SON: variants seen among roughly 807,000 people sequenced by gnomAD.
The protein encoded by SON is SON DNA and RNA binding protein.
Under a neutral mutation model 173.3 loss-of-function variants are expected in SON, and 4 were observed. The ratio of observed to expected loss-of-function variants is 0.02; its 90% CI spans 0.01 to 0.05. The LOEUF is 0.05. Among genes scored for constraint, SON ranks in the 10% least tolerant of loss-of-function variants. The pLI, the probability that SON is intolerant of heterozygous loss-of-function variation, is 1.00. For synonymous variants in SON, 1,190 were observed against 1,105.9 expected, an observed-to-expected ratio of 1.08 and a Z score of -1.51; for missense variants, 2,626 against 3,055.3, an observed-to-expected ratio of 0.86 and a Z score of 3.31.
chr21:33,549,197 C>T (rs533796194), intron 2 of SON, among the ~76,000 whole-genome samples: 4 of 150,368 alleles, frequency 2.7e-5, no homozygotes, highest in East Asian at 2.0e-4. Context: ...GCCTCAGCCT[C>T]CCAAATAGCT....
At position 33,559,574 on chromosome 21, in the gene SON, C is replaced by CT; in HGVS notation, c.6469-10dup. The CT allele has an allele frequency of 6.3e-7, 1 of 1,599,386 alleles. No individual in the cohort carries two copies. Among genetic ancestry groups the CT allele is most frequent in the Non-Finnish European group, 8.5e-7 (1 of 1,174,780 alleles). On this transcript the variant is annotated splice_polypyrimidine_tract_variant and intron_variant, in intron 5 of 11. Coordinates refer to ENST00000356577, the MANE Select transcript of SON (RefSeq NM_138927.4). The surrounding 1 kb of genome is among the most constrained non-coding windows in gnomAD (Gnocchi z 4.1). ...CATATTGAGCTTTAATTAAGAAACACTTTATTTTTTAGATTGCTGCAGCAA... is the reference window on the plus strand; with the variant it reads ...CATATTGAGCTTTAATTAAGAAACACTTTTATTTTTTAGATTGCTGCAGCAA...
Position 33,552,937 on chromosome 21 carries a change from G to C in SON, c.3706G>C (p.Asp1236His). 2 of 1,614,208 alleles carry C rather than the reference G, an allele frequency of 1.2e-6. No homozygotes were observed. The highest frequency in any genetic ancestry group is 8.5e-7 in the Non-Finnish European group (1 of 1,180,044). ...TACTGATTATTCAGTGTCAGCATCA[G>C]ATCCCTCAGTTTTAGTATCAGAGGC... is the stretch of plus-strand genomic sequence containing the variant. The part of the protein sequence containing the change: ...VPTDYSVSAS[D>H]PSVLVSEAAV... The change falls in exon 3 of 12, where the codon GAT (aspartate) becomes CAT (histidine). Residue 1236 changes from aspartate to histidine, a missense_variant. Around this residue, in one of 13 missense-constraint regions of SON, gnomAD observed 1,006 missense variants for 895.6 expected, o/e 1.12. Coordinates refer to ENST00000356577, the MANE Select transcript of SON (RefSeq NM_138927.4). This position sits in a 1 kb window ranked among gnomAD's most constrained non-coding sequence, Gnocchi z 5.6.
chr21:33,560,697 G>T, intron 6 of SON: 1 of 777,036 alleles, frequency 1.3e-6, no homozygotes, highest in Non-Finnish European at 1.6e-6. Flanking sequence ...CTTGGGGGAT[G>T]TGGGAGGGTG....
At position 33,560,614 on chromosome 21, in the gene SON, C is replaced by T. The variant is rs1466780488; in HGVS notation, c.6657+839C>T. ...TATATATCTGTATCTTTGTATGTATCTCTGTATCTGTACCTTTGCTGTATC... is the reference window on the plus strand; with the variant it reads ...TATATATCTGTATCTTTGTATGTATTTCTGTATCTGTACCTTTGCTGTATC... On this transcript the variant is annotated intron_variant, in intron 6 of 11. Coordinates refer to ENST00000356577, the MANE Select transcript of SON (RefSeq NM_138927.4). 4.2e-6 allele frequency: 4 copies of T among 942,380 alleles called. No homozygotes were observed. The African/African-American group carries it at 7.1e-5, about 17-fold the overall frequency. 58.4% of individuals were successfully genotyped at this position (942,380 alleles called of 1,614,324 possible).
chr21:33,551,550 C>G lies in SON; in HGVS notation c.2319C>G (p.Ser773=), dbSNP rs2085788624. ...SQMLATSSMD[S]QMLATSSMDS... ...TGTTAGCAACTAGCTCCATGGACTC[C>G]CAGATGTTAGCAACTAGCTCCATGG... The change falls in exon 3 of 12, where the codon TCC becomes TCG. Residue 773 remains serine, a synonymous_variant. Coordinates refer to ENST00000356577, the MANE Select transcript of SON (RefSeq NM_138927.4). 1.2e-5 allele frequency: 20 copies of G among 1,613,852 alleles called. No homozygotes were observed. The highest frequency in any genetic ancestry group is 1.7e-5 in the Non-Finnish European group (20 of 1,179,968).
rs2086382412 is a variant in SON, at chr21:33,575,609, A to G, written c.7047A>G (p.Val2349=). 6.2e-7 allele frequency: 1 copy of G among 1,610,288 alleles called. No homozygotes were observed. The highest frequency in any genetic ancestry group is 8.5e-7 in the Non-Finnish European group (1 of 1,178,828). Residue 2349 remains valine, a synonymous_variant, in exon 10 of 12, where the codon GTA becomes GTG. Coordinates refer to ENST00000356577, the MANE Select transcript of SON (RefSeq NM_138927.4). The part of the protein sequence containing the change: ...FKTDRKGLVA[V]GERAQKRSGN... ...TTTTTTTTAAAGGTCTTGTTGCAGT[A>G]GGAGAAAGAGCACAAAAGAGGTCTG...
intron 3 of SON, among the ~76,000 whole-genome samples, chr21:33,555,776 A>G (rs1366708436): frequency 6.6e-6 from 1 of 152,228 alleles, no homozygotes; most frequent in East Asian, 1.9e-4. Context: ...ACTAAGCCTA[A>G]AATTACAATG....
chr21:33,543,215 C>T lies in SON; in HGVS notation c.77+46C>T, dbSNP rs760545663. On this transcript the variant is annotated intron_variant, in intron 1 of 11. Coordinates refer to ENST00000356577, the MANE Select transcript of SON (RefSeq NM_138927.4). ...TCTGCTCCCAACGGACCGTTAGGCC[C>T]TCACCTAGCCTTCTTTGGCACCTTT... The T allele has an allele frequency of 2.7e-6, 4 of 1,491,848 alleles. No individual in the cohort carries two copies. The African/African-American group carries it at 4.1e-5, about 15-fold the overall frequency. 92.4% of individuals were successfully genotyped at this position (1,491,848 alleles called of 1,614,324 possible). A position where few individuals can be genotyped will look rare whatever the true frequency, so the allele number is the denominator to read the frequency against.
intron 1 of SON, among the ~76,000 whole-genome samples, chr21:33,545,073 C>T (rs1234237273): frequency 6.6e-6 from 1 of 152,072 alleles, no homozygotes; most frequent in Non-Finnish European, 1.5e-5. Flanking sequence ...ATAGTTAAAA[C>T]AAGTTATCGA....
intron 1 of SON, among the ~76,000 whole-genome samples, chr21:33,544,617 G>C (rs1369831198): frequency 2.6e-5 from 4 of 152,086 alleles, no homozygotes; most frequent in African/African-American, 4.8e-5. Context: ...AATACGTTGT[G>C]AACAGGTTTA....
rs1377333406 is a variant in SON, at chr21:33,568,967, T to A, written c.6769-4T>A. 1 of 1,584,012 alleles carries A rather than the reference T, an allele frequency of 6.3e-7. No homozygotes were observed. Among genetic ancestry groups the A allele is most frequent in the African/African-American group, 1.3e-5 (1 of 74,218 alleles). ...AGTTAACTGAGACTACTTCTTTTCTTCAGATTGATGCCTGGGCTCAGCTGA... is the reference window on the plus strand; with the variant it reads ...AGTTAACTGAGACTACTTCTTTTCTACAGATTGATGCCTGGGCTCAGCTGA... On this transcript the variant is annotated splice_polypyrimidine_tract_variant and splice_region_variant and intron_variant, in intron 7 of 11. Coordinates refer to ENST00000356577, the MANE Select transcript of SON (RefSeq NM_138927.4).
At position 33,559,500 on chromosome 21, in the gene SON, C is replaced by T. The variant is rs2086029695; in HGVS notation, c.6469-87C>T. 2.1e-6 allele frequency: 3 copies of T among 1,451,742 alleles called. No homozygotes were observed. Among genetic ancestry groups the T allele is most frequent in the East Asian group, 2.3e-5 (1 of 43,834 alleles). The allele number at this position is 1,451,742 out of a possible 1,614,324, so 89.9% of individuals were successfully genotyped here. A position where few individuals can be genotyped will look rare whatever the true frequency, so the allele number is the denominator to read the frequency against. On this transcript the variant is annotated intron_variant, in intron 5 of 11. Transcript: ENST00000356577. This position sits in a 1 kb window ranked among gnomAD's most constrained non-coding sequence, Gnocchi z 4.1. ...TACTGTGAGAAATAATGGATAATAT[C>T]ATTTCCTTCAGATTATGTAGAAAAT...
At chr21:33,570,620 T>C (rs2086263874) in intron 8 of SON, among the ~76,000 whole-genome samples, 1 of 152,182 alleles carries the variant, frequency 6.6e-6, no homozygotes, top group Admixed American at 6.5e-5. Context: ...ACTATGAAAG[T>C]GATTTATATA....
Position 33,552,826 on chromosome 21 carries a change from G to T in SON, c.3595G>T (p.Val1199Leu). The part of the protein sequence containing the change: ...LTAENTWPTE[V>L]PSSPSEESVS... ...AGCTGAAAATACTTGGCCTACAGAGGTGCCATCATCACCATCTGAAGAGTC... is the reference window on the plus strand; with the variant it reads ...AGCTGAAAATACTTGGCCTACAGAGTTGCCATCATCACCATCTGAAGAGTC... The change falls in exon 3 of 12, where the codon GTG (valine) becomes TTG (leucine). Residue 1199 changes from valine to leucine, a missense_variant. Around this residue, in one of 13 missense-constraint regions of SON, gnomAD observed 1,006 missense variants for 895.6 expected, o/e 1.12. Transcript: ENST00000356577. The surrounding 1 kb of genome is among the most constrained non-coding windows in gnomAD (Gnocchi z 5.6). 6.2e-7 allele frequency: 1 copy of T among 1,613,670 alleles called. No homozygotes were observed. Among genetic ancestry groups the T allele is most frequent in the Non-Finnish European group, 8.5e-7 (1 of 1,179,724 alleles).
At chr21:33,565,017 A>C (rs1359216166) in intron 6 of SON, among the ~76,000 whole-genome samples, 2 of 152,154 alleles carry the variant, frequency 1.3e-5, no homozygotes, top group East Asian at 3.8e-4. Context: ...TTTAAATATC[A>C]AGGTTGCTAT....
At position 33,559,424 on chromosome 21, in the gene SON, C is replaced by G; in HGVS notation, c.6468+48C>G. On this transcript the variant is annotated intron_variant, in intron 5 of 11. Transcript: ENST00000356577. The surrounding 1 kb of genome is among the most constrained non-coding windows in gnomAD (Gnocchi z 4.1). ...TGGTAAAACAGTGTAACTTGTGGAA[C>G]TATTTAAATAAAACCCAAATCGAAT... is the stretch of plus-strand genomic sequence containing the variant. 1 of 1,544,216 alleles carries G rather than the reference C, an allele frequency of 6.5e-7. No homozygotes were observed. Among genetic ancestry groups the G allele is most frequent in the East Asian group, 2.3e-5 (1 of 44,226 alleles).
intron 6 of SON, 125 bp from the exon 7 acceptor site, chr21:33,567,032 C>T (rs1313704743): frequency 2.0e-5 from 10 of 508,678 alleles, no homozygotes; most frequent in South Asian, 4.1e-5. Context: ...CCCTGTTTTC[C>T]AAGATTATTA....
chr21:33,549,731 T>A lies in SON; in HGVS notation c.500T>A (p.Leu167Gln). The A allele has an allele frequency of 6.2e-7, 1 of 1,614,048 alleles. No homozygotes were observed. Among genetic ancestry groups the A allele is most frequent in the Non-Finnish European group, 8.5e-7 (1 of 1,179,972 alleles). ...GATTCTGAACCTTCAGCTGTGGCGC[T>A]GGAGCTTCCTACAAGAGCATTTGGC... Reference protein sequence around the residue: ...KFDSEPSAVALELPTRAFGPS... With the variant: ...KFDSEPSAVAQELPTRAFGPS... Residue 167 changes from leucine to glutamine, a missense_variant, in exon 3 of 12, where the codon CTG becomes CAG. Coordinates refer to ENST00000356577, the MANE Select transcript of SON (RefSeq NM_138927.4).
chr21:33,561,195 C>T (rs996174285), intron 6 of SON, among the ~76,000 whole-genome samples: 1 of 152,098 alleles, frequency 6.6e-6, no homozygotes, highest in African/African-American at 2.4e-5. Flanking sequence ...CAAGTTATGC[C>T]ATCACCAGTT....
Sources: gnomAD v4.1 joint callset for allele counts (sites outside exome capture counted in the v4.1 genomes callset) on GRCh38, gnomAD v4.1.1 for gene constraint, gnomAD v4.1.1 regional missense constraint, Gnocchi (gnomAD v3.1) non-coding constraint, MANE v1.5 for transcripts, NCBI Gene and HGNC (gene_info 2026-07-23, HGNC 2026-07-21) for gene names.